Variants in RUFY1 observed in about 807,000 individuals in gnomAD.
RUFY1 encodes RUN and FYVE domain containing 1.
In RUFY1, 54 loss-of-function variants were observed where a neutral mutation model predicts 94.6. The observed-to-expected ratio is 0.57, with a 90% CI of 0.46 to 0.72. The LOEUF (loss-of-function observed/expected upper bound fraction) is 0.72. RUFY1 is among the 30% of genes least tolerant of loss of function. The probability of loss-of-function intolerance (pLI) is 0.00; values close to 1 mark genes in which losing one functional copy is unlikely to be tolerated. For synonymous variants in RUFY1, 396 were observed against 347.3 expected (o/e 1.14, Z -1.56); for missense variants, 883 against 883.9 (o/e 1.00, Z 0.01).
At chr5:179,608,366 T>C (rs1405386204) in intron 17 of RUFY1, 1 of 985,396 alleles carries the variant, frequency 1.0e-6, no homozygotes, top group Non-Finnish European at 1.2e-6. Flanking sequence ...TGCAGTAAGC[T>C]CAGAGCTAGA....
chr5:179,571,247 A>G (rs1195691944), intron 5 of RUFY1, among the ~76,000 whole-genome samples: 2 of 152,320 alleles, frequency 1.3e-5, no homozygotes, highest in Admixed American at 6.5e-5. Flanking sequence ...TGTAATTCCA[A>G]CACTTTGGGA....
intron 7 of RUFY1, among the ~76,000 whole-genome samples, chr5:179,584,778 A>C (rs11747869): frequency 6.6e-6 from 1 of 151,646 alleles, no homozygotes; most frequent in Non-Finnish European, 1.5e-5. Context: ...AAAAAAAAAC[A>C]AAAAAAAGTA....
At chr5:179,561,216 TAAA>T (rs1451019045) in intron 2 of RUFY1, among the ~76,000 whole-genome samples, 4,377 of 106,122 alleles carry the variant, frequency 0.041, 184 homozygotes, top group African/African-American at 0.12. Context: ...ATCTCAAAAA[TAAA>T]TAAATAAATA....
intron 6 of RUFY1, 41 bp downstream of exon 6, chr5:179,577,177 T>TC: frequency 7.5e-7 from 1 of 1,332,684 alleles, no homozygotes; most frequent in East Asian, 2.4e-5. Flanking sequence ...TTTTTTTTTT[T>TC]TTTTTTTTTT....
chr5:179,570,371 C>T (rs1763137555), intron 5 of RUFY1, among the ~76,000 whole-genome samples: 1 of 152,098 alleles, frequency 6.6e-6, no homozygotes. Context: ...GTCCTGCAAG[C>T]CTGGATGGGG....
intron 1 of RUFY1, among the ~76,000 whole-genome samples, chr5:179,552,184 A>AAAAAC (rs1761898324): frequency 6.6e-6 from 1 of 151,266 alleles, no homozygotes; most frequent in African/African-American, 2.4e-5. Flanking sequence ...AAAAAAAAAA[A>AAAAAC]AAACTTGTTC....
chr5:179,599,995 C>G (rs1016744743), intron 14 of RUFY1: 4 of 152,296 alleles, frequency 2.6e-5, no homozygotes, highest in African/African-American at 9.6e-5. Context: ...AGAGCCAGAT[C>G]AGGCTTGGAG....
intron 3 of RUFY1, among the ~76,000 whole-genome samples, chr5:179,564,343 C>T (rs1379257187): frequency 6.6e-6 from 1 of 151,696 alleles, no homozygotes; most frequent in African/African-American, 2.4e-5. Flanking sequence ...TGGTCTCCAA[C>T]TCCTGACCTC....
chr5:179,608,443 A>C, intron 17 of RUFY1: 1 of 985,510 alleles, frequency 1.0e-6, no homozygotes, highest in Non-Finnish European at 1.2e-6. Flanking sequence ...CCATCTGTGG[A>C]GTCAGAAGCA....
At chr5:179,574,433 A>C (rs1173127685) in intron 5 of RUFY1, among the ~76,000 whole-genome samples, 4 of 152,154 alleles carry the variant, frequency 2.6e-5, no homozygotes, top group African/African-American at 9.7e-5. Flanking sequence ...ACTGGAAAAT[A>C]GCCTTCCTTT....
chr5:179,580,670 T>C (rs1371540918), intron 6 of RUFY1, among the ~76,000 whole-genome samples: 4 of 152,094 alleles, frequency 2.6e-5, no homozygotes, highest in African/African-American at 9.7e-5. Flanking sequence ...CATTTGCGTG[T>C]GGCAAGTTGG....
intron 12 of RUFY1, chr5:179,596,109 T>G (rs771718532): frequency 2.3e-5 from 5 of 216,396 alleles, no homozygotes; most frequent in Admixed American, 5.3e-5. Flanking sequence ...CATTGGGTGA[T>G]GGATAAACAA....
intron 2 of RUFY1, among the ~76,000 whole-genome samples, chr5:179,562,133 G>T (rs1337869854): frequency 6.6e-6 from 1 of 151,962 alleles, no homozygotes; most frequent in Non-Finnish European, 1.5e-5. Context: ...GATTAAGCAG[G>T]CCGGGCGCTG....
chr5:179,602,163 C>T, intron 15 of RUFY1, 177 bp downstream of exon 15: 2 of 596,428 alleles, frequency 3.4e-6, no homozygotes, highest in South Asian at 4.1e-5. Context: ...CAGCACTGAT[C>T]TCTGCTACCC....
rs534911704 is a variant in RUFY1, at chr5:179,590,050, T to C, written c.1128+403T>C. ...GCTTGCAGCTCTATCACATGATGAC[T>C]TGAGGATAGAAACCATATCTGGGCC... On this transcript the variant is annotated intron_variant, in intron 9 of 17. Transcript: ENST00000319449. 2.6e-5 allele frequency among the ~76,000 whole-genome samples: 4 copies of C among 152,248 alleles called. No homozygotes were observed. In the South Asian group the frequency reaches 6.2e-4, roughly 24 times the overall value.
At chr5:179,598,062 T>C (rs781042867) in intron 13 of RUFY1, among the ~76,000 whole-genome samples, 79 of 152,008 alleles carry the variant, frequency 5.2e-4, no homozygotes, top group Non-Finnish European at 7.2e-4. Flanking sequence ...TGGTGGCGTG[T>C]GCCTGTAATC....
intron 16 of RUFY1, chr5:179,607,013 G>C (rs1236484285): frequency 6.5e-6 from 1 of 153,804 alleles, no homozygotes; most frequent in Non-Finnish European, 1.4e-5. Context: ...CTCCCCTGTG[G>C]AATGGAGTCC....
At position 179,607,633 on chromosome 5, in the gene RUFY1, A is replaced by G. The variant is rs1767243947; in HGVS notation, c.1957A>G (p.Lys653Glu). 5.0e-6 allele frequency: 8 copies of G among 1,614,136 alleles called. No individual in the cohort carries two copies. The highest frequency in any genetic ancestry group is 2.2e-5 in the East Asian group (1 of 44,886). Residue 653 changes from lysine (K) to glutamate (E), a missense_variant, in exon 17 of 18, where the codon AAG becomes GAG. Lys to Glu is a moderately conservative substitution (Grantham distance 56). Transcript: ENST00000319449. ...DEATHCRQCE[K>E]EFSISRRKHH... ...AGCGACACACTGTAGGCAGTGTGAG[A>G]AGGAGTTCTCCATTTCCCGGAGAAA... is the stretch of plus-strand genomic sequence containing the variant.
intron 14 of RUFY1, among the ~76,000 whole-genome samples, chr5:179,601,523 T>TC (rs1491176550): frequency 1.5e-5 from 2 of 136,800 alleles, no homozygotes; most frequent in African/African-American, 5.8e-5. Context: ...TTGCTGAATC[T>TC]TTTTTTTTTT....
Sources: allele counts gnomAD v4.1 joint callset (sites outside exome capture counted in the v4.1 genomes callset), GRCh38; gene constraint gnomAD v4.1.1; transcripts MANE v1.5; gene names NCBI Gene and HGNC (gene_info 2026-07-23, HGNC 2026-07-21).